STXBP4: variants seen among roughly 807,000 people sequenced by gnomAD.
The protein encoded by STXBP4 is syntaxin-binding protein 4.
Under a neutral mutation model 76.1 loss-of-function variants are expected in STXBP4, and 55 were observed. The observed-to-expected ratio is 0.72, with a 90% CI of 0.58 to 0.91. The LOEUF is 0.91. Among genes scored for constraint, STXBP4 ranks in the 40% least tolerant of loss-of-function variants. The probability of loss-of-function intolerance (pLI) is 0.00; values close to 1 mark genes in which losing one functional copy is unlikely to be tolerated. For synonymous variants in STXBP4, 201 were observed against 220.2 expected (o/e 0.91, Z 0.77); for missense variants, 618 against 636.9 (o/e 0.97, Z 0.32).
intron 13 of STXBP4, among the ~76,000 whole-genome samples, chr17:55,075,655 T>C (rs1368147948): frequency 6.6e-6 from 1 of 152,156 alleles, no homozygotes; most frequent in African/African-American, 2.4e-5. Context: ...GAATTATTGT[T>C]TACCCCGCAT....
At chr17:55,037,011 A>G (rs959093019) in intron 10 of STXBP4, among the ~76,000 whole-genome samples, 1 of 152,056 alleles carries the variant, frequency 6.6e-6, no homozygotes, top group African/African-American at 2.4e-5. Context: ...TCTCTTTTGT[A>G]AGCAATCTCT....
At chr17:55,067,838 A>G (rs975445617) in intron 12 of STXBP4, among the ~76,000 whole-genome samples, 2 of 152,172 alleles carry the variant, frequency 1.3e-5, no homozygotes, top group Admixed American at 6.5e-5. Context: ...TACATTATAA[A>G]TGAAGACTTC....
chr17:55,101,910 G>T (rs1405910790), intron 16 of STXBP4, among the ~76,000 whole-genome samples: 1 of 152,068 alleles, frequency 6.6e-6, no homozygotes, highest in African/African-American at 2.4e-5. Context: ...CTGACATAAT[G>T]GACTCATTTG....
chr17:55,112,556 A>G (rs746334417), intron 16 of STXBP4, among the ~76,000 whole-genome samples: 2 of 152,188 alleles, frequency 1.3e-5, no homozygotes, highest in African/African-American at 2.4e-5. Context: ...AGGTTGGTAG[A>G]ACCATTAAAA....
Position 55,078,143 on chromosome 17 carries a change from G to A in STXBP4, c.1254G>A (p.Met418Ile), listed in dbSNP as rs1241998448. ...ACTGCCAATTACGAAAATCAGAAAT[G>A]GCTCGAAAAACTTTTGAGGCATCCA... ...VLDCQLRKSE[M>I]ARKTFEASTE... Residue 418 changes from methionine (M) to isoleucine (I), a missense_variant, in exon 14 of 18, where the codon ATG (methionine) becomes ATA (isoleucine). Coordinates refer to ENST00000376352, the MANE Select transcript of STXBP4 (RefSeq NM_178509.6). 1 of 1,611,842 alleles carries A rather than the reference G, an allele frequency of 6.2e-7. No homozygotes were observed. Among genetic ancestry groups the A allele is most frequent in the African/African-American group, 1.3e-5 (1 of 74,710 alleles).
chr17:54,987,884 T>G (rs2077649170), intron 3 of STXBP4, among the ~76,000 whole-genome samples: 2 of 152,182 alleles, frequency 1.3e-5, no homozygotes, highest in African/African-American at 4.8e-5. Context: ...GTTCTAAATT[T>G]TTATTGGTCT....
chr17:55,075,822 A>G (rs1015738748), intron 13 of STXBP4, among the ~76,000 whole-genome samples: 5 of 152,144 alleles, frequency 3.3e-5, no homozygotes, highest in African/African-American at 7.2e-5. Flanking sequence ...AGCTGATTGC[A>G]TGCATCTCTT....
At chr17:55,183,857 A>T in the STXBP4 span, among the ~76,000 whole-genome samples, 12 of 152,228 alleles carry the variant, frequency 7.9e-5, no homozygotes, top group Non-Finnish European at 1.5e-4. Flanking sequence ...CATTTATGTG[A>T]ACCAAATAAT....
Position 55,165,098 on chromosome 17 carries a change from A to C in STXBP4, c.*5187A>C, listed in dbSNP as rs1036660081. The C allele has an allele frequency of 1.3e-5, 2 of 152,232 alleles. No homozygotes were observed. The highest frequency in any genetic ancestry group is 2.9e-5 in the Non-Finnish European group (2 of 68,042). The allele number at this position is 152,232 out of a possible 1,614,324, so 9.4% of individuals were successfully genotyped here. On this transcript the variant is annotated 3_prime_UTR_variant, in exon 18 of 18. Transcript: ENST00000376352. ...ACCATTTAATGTTCATTACGTTAAC[A>C]AAGAGTGTGATATCAGAAAGCAGAA...
At chr17:55,039,713 C>T (rs1188884491) in intron 10 of STXBP4, among the ~76,000 whole-genome samples, 1 of 150,732 alleles carries the variant, frequency 6.6e-6, no homozygotes, top group Admixed American at 6.6e-5. Context: ...ACCCTTTGGA[C>T]ATGAGAACTA....
At chr17:55,113,003 G>A (rs113238200) in intron 16 of STXBP4, among the ~76,000 whole-genome samples, 27 of 152,164 alleles carry the variant, frequency 1.8e-4, no homozygotes, top group Non-Finnish European at 2.5e-4. Flanking sequence ...ATTGGTGAGG[G>A]CACAAATACA....
downstream of STXBP4, among the ~76,000 whole-genome samples, chr17:55,175,469 C>A (rs1456244277): frequency 6.6e-6 from 1 of 152,206 alleles, no homozygotes; most frequent in Non-Finnish European, 1.5e-5. Context: ...ATTTGAAAAT[C>A]ATTCTCTTAC....
intron 4 of STXBP4, chr17:54,991,996 A>AT (rs2077725494): frequency 6.6e-6 from 1 of 152,032 alleles, no homozygotes; most frequent in African/African-American, 2.4e-5. Context: ...TTTCAGCTGG[A>AT]TTTTTTTGTC....
intron 8 of STXBP4, among the ~76,000 whole-genome samples, chr17:55,029,248 A>G (rs1489711961): frequency 1.3e-5 from 2 of 152,068 alleles, no homozygotes; most frequent in Non-Finnish European, 2.9e-5. Flanking sequence ...CTTTAAGATT[A>G]TGCTTTTGAG....
At chr17:55,080,953 T>A (rs1300502951) in intron 15 of STXBP4, 97 bp from the exon 16 acceptor site, 26 of 1,164,834 alleles carry the variant, frequency 2.2e-5, no homozygotes, top group Non-Finnish European at 2.8e-5. Flanking sequence ...ATATAAATAT[T>A]TTTGTACAAA....
intron 12 of STXBP4, among the ~76,000 whole-genome samples, chr17:55,067,659 C>T (rs1266151554): frequency 6.6e-6 from 1 of 152,048 alleles, no homozygotes; most frequent in African/African-American, 2.4e-5. Context: ...GGTGGTACTT[C>T]ATCAATATTT....
intron 17 of STXBP4, among the ~76,000 whole-genome samples, chr17:55,158,493 C>T (rs2145192706): frequency 1.3e-5 from 2 of 152,124 alleles, no homozygotes; most frequent in Middle Eastern, 3.4e-3. Context: ...GAAACAAATC[C>T]TTGTCCTAAT....
At chr17:55,013,961 C>G (rs1481440059) in intron 8 of STXBP4, among the ~76,000 whole-genome samples, 1 of 152,130 alleles carries the variant, frequency 6.6e-6, no homozygotes, top group Non-Finnish European at 1.5e-5. Flanking sequence ...TTTGGGAAAG[C>G]AGAGTATAAG....
At chr17:55,014,983 T>G (rs1798863073) in intron 8 of STXBP4, among the ~76,000 whole-genome samples, 1 of 152,090 alleles carries the variant, frequency 6.6e-6, no homozygotes, top group Non-Finnish European at 1.5e-5. Context: ...AAAACCGAAG[T>G]TGCCAAGTTC....
Sources: gnomAD v4.1 joint callset for allele counts (sites outside exome capture counted in the v4.1 genomes callset) on GRCh38, gnomAD v4.1.1 for gene constraint, MANE v1.5 for transcripts, NCBI Gene and HGNC (gene_info 2026-07-23, HGNC 2026-07-21) for gene names.